The following RNF168 variants were observed in gnomAD, a reference collection of about 807,000 sequenced individuals.
RNF168 encodes the protein ring finger protein 168.
In RNF168, 34 loss-of-function variants were observed where a neutral mutation model predicts 34.9. That is an observed-to-expected ratio of 0.97 (90% confidence interval 0.74 to 1.30). The LOEUF is 1.30. Ranked by LOEUF, RNF168 falls within the 50% of genes most tolerant of loss-of-function variation. The pLI is 0.00. For missense variants in RNF168, 725 were observed against 682.5 expected (o/e 1.06, Z -0.69); for synonymous variants, 264 against 254.7 (o/e 1.04, Z -0.35).
At chr3:196,493,188 A>C (rs1052116994) in intron 1 of RNF168, among the ~76,000 whole-genome samples, 2 of 152,202 alleles carry the variant, frequency 1.3e-5, no homozygotes, top group African/African-American at 4.8e-5. Context: ...AAGGAAAGGC[A>C]CGTGCGATTT....
chr3:196,493,633 C>G (rs1267946909), intron 1 of RNF168, among the ~76,000 whole-genome samples: 1 of 152,166 alleles, frequency 6.6e-6, no homozygotes, highest in Non-Finnish European at 1.5e-5. Flanking sequence ...TCAAGCAATT[C>G]TCCTGCCTCA....
At chr3:196,473,453 C>T (rs1560266027) in intron 5 of RNF168, among the ~76,000 whole-genome samples, 1 of 152,164 alleles carries the variant, frequency 6.6e-6, no homozygotes, top group South Asian at 2.1e-4. Flanking sequence ...TCATAATACC[C>T]AATTATCTGT....
chr3:196,488,713 T>C lies in RNF168; in HGVS notation c.302-30A>G, dbSNP rs114080378. The C allele has an allele frequency of 1.4e-3, 1,908 of 1,395,584 alleles. 24 individuals are homozygous for C. In the African/African-American group the frequency reaches 0.023, roughly 17 times the overall value. The allele number at this position is 1,395,584 out of a possible 1,614,324, so 86.5% of individuals were successfully genotyped here. A position where few individuals can be genotyped will look rare whatever the true frequency, so the allele number is the denominator to read the frequency against. ...TTCATATCAAAAAAGAAAATAACATTATAGGCAACACAATTTTATGGTAAC... is the reference window on the plus strand; with the variant it reads ...TTCATATCAAAAAAGAAAATAACATCATAGGCAACACAATTTTATGGTAAC... On this transcript the variant is annotated intron_variant, in intron 1 of 5. Coordinates refer to ENST00000318037, the MANE Select transcript of RNF168 (RefSeq NM_152617.4).
chr3:196,486,447 C>T (rs1057400655), intron 3 of RNF168, among the ~76,000 whole-genome samples: 3 of 152,242 alleles, frequency 2.0e-5, no homozygotes, highest in African/African-American at 4.8e-5. Context: ...ATCCTCCTGC[C>T]TCAGCCCCTC....
At position 196,475,300 on chromosome 3, in the gene RNF168, C is replaced by T. The variant is rs202091405; in HGVS notation, c.693G>A (p.Pro231=). ...GTGAGGCTGACCCAAACTGAGATTT[C>T]GGTGTCAAATACCTAAAAGAAAAGT... The part of the protein sequence containing the change: ...NTGDIQKYLT[P]KSQFGSASHS... Residue 231 remains proline (P), a synonymous_variant, in exon 5 of 6, where the codon CCG becomes CCA. Transcript: ENST00000318037. The T allele has an allele frequency of 9.3e-6, 15 of 1,606,332 alleles. No homozygotes were observed. Among genetic ancestry groups the T allele is most frequent in the African/African-American group, 4.0e-5 (3 of 74,780 alleles).
At chr3:196,479,015 A>G (rs940374379) in intron 4 of RNF168, among the ~76,000 whole-genome samples, 3 of 111,486 alleles carry the variant, frequency 2.7e-5, no homozygotes, top group African/African-American at 1.0e-4. Flanking sequence ...CCATTATTTT[A>G]TTTATTTTTT....
At chr3:196,502,059 A>G (rs1251208316) in intron 1 of RNF168, among the ~76,000 whole-genome samples, 1 of 131,712 alleles carries the variant, frequency 7.6e-6, no homozygotes, top group Admixed American at 7.4e-5. Flanking sequence ...AATTAGAAAA[A>G]AAAAAAAAAA....
Position 196,471,806 on chromosome 3 carries a change from C to T in RNF168, c.*13G>A. ...AGCTTTACTAGATCACAAAGCACTC[C>T]CTTTACCAGGCCTTACTTTGTGCAT... On this transcript the variant is annotated 3_prime_UTR_variant, in exon 6 of 6. Coordinates refer to ENST00000318037, the MANE Select transcript of RNF168 (RefSeq NM_152617.4). 1 of 1,542,314 alleles carries T rather than the reference C, an allele frequency of 6.5e-7. No homozygotes were observed. The highest frequency in any genetic ancestry group is 9.0e-7 in the Non-Finnish European group (1 of 1,114,728).
At position 196,478,284 on chromosome 3, in the gene RNF168, A is replaced by C. The variant is rs1053400836; in HGVS notation, c.681-2972T>G. 2.6e-5 allele frequency among the ~76,000 whole-genome samples: 4 copies of C among 152,284 alleles called. No individual in the cohort carries two copies. In the South Asian group the frequency reaches 8.3e-4, roughly 32 times the overall value. Reference sequence around the variant, plus strand: ...CCAAAGATTTCTCTGTATATAGTGAACTACAGCCTAAAGGGAGGTGTGAAC... The same window carrying C: ...CCAAAGATTTCTCTGTATATAGTGACCTACAGCCTAAAGGGAGGTGTGAAC... On this transcript the variant is annotated intron_variant, in intron 4 of 5. Coordinates refer to ENST00000318037, the MANE Select transcript of RNF168 (RefSeq NM_152617.4).
At chr3:196,479,644 G>A (rs1287806061) in intron 4 of RNF168, among the ~76,000 whole-genome samples, 1 of 151,862 alleles carries the variant, frequency 6.6e-6, no homozygotes, top group Non-Finnish European at 1.5e-5. Context: ...AGGCTGGAGT[G>A]CAGTGGTGTG....
At chr3:196,483,913 AAC>A (rs778454192) in intron 3 of RNF168, 22 bp from the exon 4 acceptor site, 144 of 1,574,588 alleles carry the variant, frequency 9.1e-5, no homozygotes, top group Non-Finnish European at 1.2e-4. Context: ...GAAAAAGCAT[AAC>A]AGACATTATG....
At chr3:196,489,460 G>A (rs571656483) in intron 1 of RNF168, among the ~76,000 whole-genome samples, 9 of 152,056 alleles carry the variant, frequency 5.9e-5, no homozygotes, top group African/African-American at 1.9e-4. Flanking sequence ...CTGAGTAGCT[G>A]GGATCACAGG....
In RNF168 at chr3:196,472,403, A is replaced by G. The variant is rs149004801; in HGVS notation, c.1132T>C (p.Cys378Arg). The G allele has an allele frequency of 7.2e-4, 1,162 of 1,613,636 alleles. 11 individuals are homozygous for G. The African/African-American group carries it at 0.014, about 19-fold the overall frequency. ...GAAATCTCCTTACTGATCAGTAGGC[A>G]CGACTCTTCATTTTCTGTCTCACCT... ...NTGETENEES[C>R]LLISKEISKR... Residue 378 changes from cysteine to arginine, a missense_variant, in exon 6 of 6, where the codon TGC (cysteine) becomes CGC (arginine). Cys to Arg is a radical substitution (Grantham distance 180, BLOSUM62 -3). Transcript: ENST00000318037.
chr3:196,470,673 C>G lies in RNF168; in HGVS notation c.*1146G>C, dbSNP rs1000979412. 2 of 153,252 alleles carry G rather than the reference C, an allele frequency of 1.3e-5. No homozygotes were observed. The highest frequency in any genetic ancestry group is 4.8e-5 in the African/African-American group (2 of 41,284). 9.5% of individuals were successfully genotyped at this position (153,252 alleles called of 1,614,324 possible). A position where few individuals can be genotyped will look rare whatever the true frequency, so the allele number is the denominator to read the frequency against. On this transcript the variant is annotated 3_prime_UTR_variant, in exon 6 of 6. Transcript: ENST00000318037. ...TGACGACCTAATCAGTTTCAATGAT[C>G]CAGACTGTCAGTCACCCCATCCAGC...
intron 1 of RNF168, among the ~76,000 whole-genome samples, chr3:196,498,737 G>A (rs964262610): frequency 1.3e-5 from 2 of 152,116 alleles, no homozygotes; most frequent in African/African-American, 4.8e-5. Context: ...GCTCATGCCT[G>A]TAATCCCAGC....
At chr3:196,497,254 T>TA (rs1732764953) in intron 1 of RNF168, among the ~76,000 whole-genome samples, 1 of 152,148 alleles carries the variant, frequency 6.6e-6, no homozygotes, top group Admixed American at 6.6e-5. Context: ...TTATTTTTTT[T>TA]AAAAAGTCTT....
At chr3:196,489,934 A>T (rs1368793563) in intron 1 of RNF168, among the ~76,000 whole-genome samples, 1 of 152,208 alleles carries the variant, frequency 6.6e-6, no homozygotes, top group Non-Finnish European at 1.5e-5. Flanking sequence ...AAACAGATCT[A>T]GAGAGAGCCA....
chr3:196,484,799 T>G (rs893021752), intron 3 of RNF168, among the ~76,000 whole-genome samples: 2 of 151,648 alleles, frequency 1.3e-5, no homozygotes, highest in African/African-American at 2.4e-5. Flanking sequence ...GACACAGGCA[T>G]GTGCCACCAT....
intron 2 of RNF168, among the ~76,000 whole-genome samples, chr3:196,487,928 G>A (rs1732497605): frequency 6.6e-6 from 1 of 152,174 alleles, no homozygotes; most frequent in South Asian, 2.1e-4. Context: ...CTGCTTTTTA[G>A]GTACTTTTCC....
Sources: gnomAD v4.1 joint callset for allele counts (sites outside exome capture counted in the v4.1 genomes callset) on GRCh38, gnomAD v4.1.1 for gene constraint, MANE v1.5 for transcripts, NCBI Gene and HGNC (gene_info 2026-07-23, HGNC 2026-07-21) for gene names.